The following HMBOX1 variants were observed in gnomAD, a reference collection of about 807,000 sequenced individuals.
HMBOX1 encodes the protein homeobox-containing protein 1.
HMBOX1 carries 14 observed loss-of-function variants against 54.5 expected under a neutral mutation model. That is an observed-to-expected ratio of 0.26 (90% CI 0.17 to 0.40). The LOEUF (loss-of-function observed/expected upper bound fraction) is 0.40, where lower values mean the gene tolerates loss of function less well. HMBOX1 is among the 10% of genes least tolerant of loss of function. HMBOX1 has a pLI of 1.00. For missense variants in HMBOX1, 332 were observed against 514.4 expected, an observed-to-expected ratio of 0.65 and a Z score of 3.43; for synonymous variants, 160 against 181.0, an observed-to-expected ratio of 0.88 and a Z score of 0.93.
intron 4 of HMBOX1, among the ~76,000 whole-genome samples, chr8:28,984,181 A>G (rs1408536274): frequency 6.6e-6 from 1 of 152,210 alleles, no homozygotes; most frequent in Non-Finnish European, 1.5e-5. Flanking sequence ...GTCTTTAAAC[A>G]AATTAGTCAA....
chr8:29,031,125 C>T (rs947409210), intron 6 of HMBOX1, among the ~76,000 whole-genome samples: 1 of 152,188 alleles, frequency 6.6e-6, no homozygotes, highest in African/African-American at 2.4e-5. Context: ...AAAGAACTTA[C>T]ATTTCATTTT....
intron 1 of HMBOX1, among the ~76,000 whole-genome samples, chr8:28,912,855 G>A (rs1471597321): frequency 6.6e-6 from 1 of 152,002 alleles, no homozygotes; most frequent in Admixed American, 6.6e-5. Context: ...TTCTTTTGGG[G>A]TGTTTCAAAG....
intron 2 of HMBOX1, among the ~76,000 whole-genome samples, chr8:28,967,541 A>G (rs749319861): frequency 8.5e-5 from 13 of 152,218 alleles, no homozygotes; most frequent in Non-Finnish European, 1.3e-4. Flanking sequence ...ATAGATAACT[A>G]ACTGCTCTGA....
At chr8:29,020,920 T>C (rs192794200) in intron 6 of HMBOX1, among the ~76,000 whole-genome samples, 304 of 152,294 alleles carry the variant, frequency 2.0e-3, no homozygotes, top group Non-Finnish European at 3.3e-3. Context: ...TTCACACCTA[T>C]AATTTCAGCT....
Position 28,980,163 on chromosome 8 carries a change from G to C in HMBOX1, c.586+7G>C, listed in dbSNP as rs754056525. On this transcript the variant is annotated splice_region_variant and intron_variant, in intron 4 of 9. Coordinates refer to ENST00000287701, the MANE Select transcript of HMBOX1 (RefSeq NM_001135726.3). ...GTTGTTGCACAGGTAACAGGTAAGA[G>C]CTGAAGAGCCCTTTATTCTGGAATC... The C allele has an allele frequency of 1.9e-6, 3 of 1,599,154 alleles. No homozygotes were observed. The highest frequency in any genetic ancestry group is 2.6e-6 in the Non-Finnish European group (3 of 1,166,390).
intron 1 of HMBOX1, among the ~76,000 whole-genome samples, chr8:28,935,086 C>T (rs1820166612): frequency 6.6e-6 from 1 of 152,056 alleles, no homozygotes; most frequent in Non-Finnish European, 1.5e-5. Context: ...AGACCTGGTA[C>T]TGAAAAACAT....
At chr8:28,994,678 C>G (rs898514975) in intron 4 of HMBOX1, among the ~76,000 whole-genome samples, 3 of 152,134 alleles carry the variant, frequency 2.0e-5, no homozygotes, top group Admixed American at 2.0e-4. Flanking sequence ...ACAAGATTCA[C>G]ATTGACAGGT....
intron 5 of HMBOX1, 38 bp from the exon 6 acceptor site, chr8:29,018,718 TAAAC>T (rs751866010): frequency 2.5e-6 from 4 of 1,595,572 alleles, no homozygotes. Flanking sequence ...TTGTTTTAAA[TAAAC>T]TGCAAGATAT....
At chr8:28,966,848 A>G (rs924902604) in intron 2 of HMBOX1, among the ~76,000 whole-genome samples, 1 of 152,190 alleles carries the variant, frequency 6.6e-6, no homozygotes, top group African/African-American at 2.4e-5. Context: ...TTATATTTGC[A>G]TTAGGAAACT....
chr8:29,039,715 A>G (rs1298536438), intron 6 of HMBOX1, among the ~76,000 whole-genome samples: 1 of 152,130 alleles, frequency 6.6e-6, no homozygotes, highest in Non-Finnish European at 1.5e-5. Flanking sequence ...CTGAGCAACT[A>G]CTATGTCCTC....
chr8:28,947,471 C>G (rs1316645241), intron 1 of HMBOX1, among the ~76,000 whole-genome samples: 1 of 152,206 alleles, frequency 6.6e-6, no homozygotes, highest in African/African-American at 2.4e-5. Context: ...GCCTTCTTTT[C>G]TTCCTTTCAG....
intron 4 of HMBOX1, among the ~76,000 whole-genome samples, chr8:29,000,687 G>C (rs1832513064): frequency 1.3e-5 from 2 of 152,234 alleles, no homozygotes; most frequent in Admixed American, 1.3e-4. Flanking sequence ...GTAATTGCCA[G>C]ACAGGTCAAA....
At chr8:28,933,816 A>G (rs1371273242) in intron 1 of HMBOX1, among the ~76,000 whole-genome samples, 1 of 152,228 alleles carries the variant, frequency 6.6e-6, no homozygotes, top group Non-Finnish European at 1.5e-5. Context: ...AAGAAATTGG[A>G]TTTATAGCTA....
chr8:28,902,566 G>A (rs1233322902), intron 1 of HMBOX1, among the ~76,000 whole-genome samples: 1 of 152,158 alleles, frequency 6.6e-6, no homozygotes, highest in African/African-American at 2.4e-5. Context: ...AAAACATAAT[G>A]TCTCCTTAGG....
rs146925936 is a variant in HMBOX1 at position 28,996,990 on chromosome 8, G to GGT, written c.587-12065_587-12064dup. Reference sequence around the variant, plus strand: ...TGAATTCATTTGTTAGTTCTAATGGGGTGTGTGTGTGTGTGTGTTTGTGTA... The same window carrying GGT: ...TGAATTCATTTGTTAGTTCTAATGGGGTGTGTGTGTGTGTGTGTGTTTGTGTA... On this transcript the variant is annotated intron_variant, in intron 4 of 9. Transcript: ENST00000287701. Among the ~76,000 whole-genome samples the GGT allele has an allele frequency of 5.2e-3, 788 of 150,892 alleles. 4 individuals are homozygous for GGT. The highest frequency in any genetic ancestry group is 0.018 in the African/African-American group (734 of 41,250).
chr8:28,974,229 GA>G (rs1420409196), intron 3 of HMBOX1, among the ~76,000 whole-genome samples: 3 of 151,788 alleles, frequency 2.0e-5, no homozygotes, highest in Admixed American at 1.3e-4. Context: ...TTAGGGTTGG[GA>G]AAAAAAGGTA....
chr8:29,042,694 G>A, intron 6 of HMBOX1: 2 of 456,248 alleles, frequency 4.4e-6, no homozygotes, highest in Non-Finnish European at 8.8e-6. Flanking sequence ...GTTGCTTTCT[G>A]CAGGGTAGGA....
At chr8:28,913,885 G>A (rs1815988237) in intron 1 of HMBOX1, among the ~76,000 whole-genome samples, 1 of 143,426 alleles carries the variant, frequency 7.0e-6, no homozygotes, top group South Asian at 2.2e-4. Context: ...TTGCGGGGGC[G>A]GAGGGATGGA....
intron 3 of HMBOX1, among the ~76,000 whole-genome samples, chr8:28,979,718 CTGTG>C (rs1318980029): frequency 6.6e-6 from 1 of 152,142 alleles, no homozygotes; most frequent in East Asian, 1.9e-4. Flanking sequence ...GGATTTCTGT[CTGTG>C]TAAGATATAT....
Sources: allele counts gnomAD v4.1 joint callset (sites outside exome capture counted in the v4.1 genomes callset), GRCh38; gene constraint gnomAD v4.1.1; transcripts MANE v1.5; gene names NCBI Gene and HGNC (gene_info 2026-07-23, HGNC 2026-07-21).